Variants in SLC17A3 observed in about 807,000 individuals in gnomAD.
The protein encoded by SLC17A3 is sodium-dependent phosphate transport protein 4.
A neutral mutation model predicts 60.3 loss-of-function variants in SLC17A3; 61 were observed. The observed-to-expected ratio is 1.01, with a 90% CI of 0.82 to 1.25. The LOEUF is 1.25. SLC17A3 is among the 50% of genes most tolerant of loss of function. The pLI, the probability that SLC17A3 is intolerant of heterozygous loss-of-function variation, is 0.00. For synonymous variants in SLC17A3, 192 were observed against 208.9 expected (o/e 0.92, Z 0.70); for missense variants, 624 against 594.9 (o/e 1.05, Z -0.51).
chr6:25,852,110 T>G (rs1263086353), intron 6 of SLC17A3, among the ~76,000 whole-genome samples: 1 of 152,118 alleles, frequency 6.6e-6, no homozygotes, highest in Non-Finnish European at 1.5e-5. Flanking sequence ...CAGATTTTGG[T>G]TTTTGTTTCT....
chr6:25,868,134 T>C (rs1765568830), intron 2 of SLC17A3, among the ~76,000 whole-genome samples, 163 bp downstream of exon 2: 1 of 151,996 alleles, frequency 6.6e-6, no homozygotes, highest in Middle Eastern at 3.2e-3. Context: ...CACTTCTTTT[T>C]AGTAATTTTT....
At chr6:25,849,531 C>A in intron 10 of SLC17A3, 67 bp from the exon 11 acceptor site, 1 of 950,320 alleles carries the variant, frequency 1.1e-6, no homozygotes. Context: ...AGCCCTGATC[C>A]ATGTATGAAT....
intron 5 of SLC17A3, among the ~76,000 whole-genome samples, chr6:25,857,672 G>T (rs368467629): frequency 1.3e-5 from 2 of 152,122 alleles, no homozygotes; most frequent in Non-Finnish European, 2.9e-5. Context: ...CTTGCCAAAG[G>T]TCACATTGTT....
At chr6:25,846,965 T>C (rs1765184848) in intron 11 of SLC17A3, among the ~76,000 whole-genome samples, 1 of 152,162 alleles carries the variant, frequency 6.6e-6, no homozygotes, top group African/African-American at 2.4e-5. Flanking sequence ...TGTGCAGTTG[T>C]GGTATATAGG....
Position 25,850,034 on chromosome 6 carries a change from AG to A in SLC17A3, c.1123+13del, listed in dbSNP as rs1353259890. ...TGCTACGCAAATTATCTGACCCTCA[AG>A]CTCTGTTCTTACCTAAAATTGTGGC... is the stretch of plus-strand genomic sequence containing the variant. On this transcript the variant is annotated intron_variant, in intron 9 of 12. Transcript: ENST00000397060. The A allele has an allele frequency of 6.2e-7, 1 of 1,613,870 alleles. No individual in the cohort carries two copies. The highest frequency in any genetic ancestry group is 8.5e-7 in the Non-Finnish European group (1 of 1,179,846).
rs773768771 is a variant in SLC17A3, at chr6:25,857,929, A to C, written c.626-2699T>G. On this transcript the variant is annotated intron_variant, in intron 5 of 12. Transcript: ENST00000397060. The stretch of plus-strand genomic sequence containing the variant: ...TCTATCCCAGGTTTGGACTCCTAAG[A>C]GTATGTATTCTCTCTCTGCATCCTC... 1.4e-3 allele frequency among the ~76,000 whole-genome samples: 220 copies of C among 152,072 alleles called. 5 individuals are homozygous for C. The highest frequency in any genetic ancestry group is 2.4e-4 in the Non-Finnish European group (16 of 68,012).
chr6:25,856,726 A>G (rs956273817), intron 5 of SLC17A3, among the ~76,000 whole-genome samples: 3 of 152,022 alleles, frequency 2.0e-5, no homozygotes, highest in African/African-American at 7.3e-5. Context: ...GGGCACCTGT[A>G]ATACCAGCTA....
chr6:25,862,115 C>T (rs948412991), intron 3 of SLC17A3, 86 bp from the exon 4 acceptor site: 22 of 1,397,502 alleles, frequency 1.6e-5, no homozygotes, highest in Non-Finnish European at 2.1e-5. Flanking sequence ...CTTTTGCTTG[C>T]TTTCAAATCA....
At chr6:25,859,958 G>A (rs561075237) in intron 5 of SLC17A3, among the ~76,000 whole-genome samples, 2 of 152,144 alleles carry the variant, frequency 1.3e-5, no homozygotes, top group South Asian at 4.1e-4. Context: ...TCTGTTCTAT[G>A]ACCTCTGGGA....
In SLC17A3 at chr6:25,849,486, C is replaced by T. The variant is rs73735492; in HGVS notation, c.1272-22G>A. 1,340 of 1,462,954 alleles carry T rather than the reference C, an allele frequency of 9.2e-4. 21 individuals are homozygous for T. In the African/African-American group the frequency reaches 0.01, roughly 11 times the overall value. The allele number at this position is 1,462,954 out of a possible 1,614,324, so 90.6% of individuals were successfully genotyped here. The stretch of plus-strand genomic sequence containing the variant: ...ATACCTGTGGGTGACAGGAATGTTC[C>T]GGTCTAGATCCAGAGATGTTTGACA... On this transcript the variant is annotated intron_variant, in intron 10 of 12. Transcript: ENST00000397060.
intron 1 of SLC17A3, among the ~76,000 whole-genome samples, chr6:25,872,474 T>C (rs927585938): frequency 9.9e-5 from 15 of 151,100 alleles, no homozygotes; most frequent in African/African-American, 2.7e-4. Flanking sequence ...GTATACACAC[T>C]ACATATCTAT....
chr6:25,868,219 AT>A, intron 2 of SLC17A3, 77 bp downstream of exon 2: 1 of 1,054,006 alleles, frequency 9.5e-7, no homozygotes, highest in Non-Finnish European at 1.5e-6. Context: ...AAAATCACAA[AT>A]TCATTTTTAT....
chr6:25,855,176 G>A lies in SLC17A3; in HGVS notation c.680C>T (p.Thr227Ile), dbSNP rs116645668. Reference sequence around the variant, plus strand: ...ATAGAAGACAAAGGGCCACCCAAGGGTTTCACTAATGAAGCCACCTATGAG... The same window carrying A: ...ATAGAAGACAAAGGGCCACCCAAGGATTTCACTAATGAAGCCACCTATGAG... ...AILIGGFISE[T>I]LGWPFVFYIF... The change falls in exon 6 of 13, where the codon ACC becomes ATC. Residue 227 changes from threonine (T) to isoleucine (I), a missense_variant. By Grantham distance (89) the Thr-to-Ile change is moderately conservative. Coordinates refer to ENST00000397060, the MANE Select transcript of SLC17A3 (RefSeq NM_001098486.2). 632 of 1,613,520 alleles carry A rather than the reference G, an allele frequency of 3.9e-4. 2 individuals are homozygous for A. The African/African-American group carries it at 5.6e-3, about 14-fold the overall frequency.
Position 25,850,090 on chromosome 6 carries a change from T to C in SLC17A3, c.1081A>G (p.Lys361Glu). 1.9e-6 allele frequency: 3 copies of C among 1,613,916 alleles called. No homozygotes were observed. Among genetic ancestry groups the C allele is most frequent in the Non-Finnish European group, 2.5e-6 (3 of 1,179,842 alleles). Residue 361 changes from lysine (K) to glutamate (E), a missense_variant, in exon 9 of 13, where the codon AAG becomes GAG. Physicochemically the swap from Lys to Glu is moderately conservative, Grantham distance 56. Transcript: ENST00000397060. ...TTCCTCACAGTGATGAGTCTAAACT[T>C]TTTGGTTAGAAGGAAATCTGCCAGA... ...GYLADFLLTK[K>E]FRLITVRKIA...
In SLC17A3 at chr6:25,845,408, T is replaced by A. The variant is rs1411535816; in HGVS notation, c.1471A>T (p.Lys491Ter). Reference protein sequence around the residue: ...FGEADVQEWAKERKLTRL With the variant: ...FGEADVQEWA ...CATAAACGAGTGAGTTTTCTCTCTT[T>A]AGCCCATTCTTGGACATCTGCTTCT... The change falls in exon 12 of 13, where the codon AAA (lysine) becomes TAA (stop). Residue 491 changes from lysine (K) to a stop codon, truncating the protein, a stop_gained. Transcript: ENST00000397060. LOFTEE classifies it high-confidence loss of function. 6.2e-7 allele frequency: 1 copy of A among 1,614,064 alleles called. No individual in the cohort carries two copies. Among genetic ancestry groups the A allele is most frequent in the Admixed American group, 1.7e-5 (1 of 60,020 alleles).
chr6:25,855,942 C>A (rs1367801011), intron 5 of SLC17A3, among the ~76,000 whole-genome samples: 1 of 152,112 alleles, frequency 6.6e-6, no homozygotes, highest in Non-Finnish European at 1.5e-5. Flanking sequence ...TTTGTGACTT[C>A]ACTTTTTATT....
intron 3 of SLC17A3, 66 bp downstream of exon 3, chr6:25,862,167 A>G: frequency 6.7e-7 from 1 of 1,489,424 alleles, no homozygotes; most frequent in South Asian, 1.2e-5. Flanking sequence ...ATACTCTAGA[A>G]AAATAAATAT....
chr6:25,855,277 G>A, intron 5 of SLC17A3, 47 bp from the exon 6 acceptor site: 1 of 1,287,090 alleles, frequency 7.8e-7, no homozygotes. Flanking sequence ...ACTTCTACCT[G>A]GAAAACACAT....
chr6:25,849,781 T>C (rs1462449418), intron 10 of SLC17A3, 24 bp downstream of exon 10: 1 of 1,610,590 alleles, frequency 6.2e-7, no homozygotes, highest in African/African-American at 1.3e-5. Flanking sequence ...AATGTGAAAC[T>C]GATAGTGGAG....
Sources: gnomAD v4.1 joint callset for allele counts (sites outside exome capture counted in the v4.1 genomes callset) on GRCh38, gnomAD v4.1.1 for gene constraint, MANE v1.5 for transcripts, NCBI Gene and HGNC (gene_info 2026-07-23, HGNC 2026-07-21) for gene names.